Variants in THSD7B observed in about 807,000 individuals in gnomAD.
THSD7B encodes thrombospondin type 1 domain containing 7B, also known as thrombospondin type-1 domain-containing protein 7B.
A neutral mutation model predicts 213.6 loss-of-function variants in THSD7B; 138 were observed. The ratio of observed to expected loss-of-function variants is 0.65; its 90% CI spans 0.56 to 0.74. The LOEUF is 0.74. THSD7B is among the 30% of genes least tolerant of loss of function. The pLI, the probability that THSD7B is intolerant of heterozygous loss-of-function variation, is 0.00. For synonymous variants in THSD7B, 742 were observed against 687.0 expected, an observed-to-expected ratio of 1.08 and a Z score of -1.25; for missense variants, 1,931 against 1,991.5, an observed-to-expected ratio of 0.97 and a Z score of 0.58.
intron 12 of THSD7B, among the ~76,000 whole-genome samples, chr2:137,283,996 C>A (rs924403732): frequency 2.0e-4 from 31 of 152,052 alleles, no homozygotes; most frequent in Admixed American, 1.7e-3. Context: ...CCTTGTACCT[C>A]TGGTAGAATT....
At chr2:136,869,878 C>T (rs895163106) in intron 1 of THSD7B, among the ~76,000 whole-genome samples, 2 of 152,158 alleles carry the variant, frequency 1.3e-5, no homozygotes, top group African/African-American at 4.8e-5. Context: ...TTGAGCCTGG[C>T]ATGGCCAATA....
intron 12 of THSD7B, among the ~76,000 whole-genome samples, chr2:137,349,456 G>T (rs576732369): frequency 6.6e-6 from 1 of 151,742 alleles, no homozygotes; most frequent in East Asian, 1.9e-4. Flanking sequence ...AAAATCCTTA[G>T]CAATTTGTTA....
At chr2:137,308,876 G>A (rs1683821556) in intron 12 of THSD7B, among the ~76,000 whole-genome samples, 1 of 151,836 alleles carries the variant, frequency 6.6e-6, no homozygotes, top group African/African-American at 2.4e-5. Flanking sequence ...TTATTTATTG[G>A]TACAAAGCTA....
At chr2:137,544,624 T>C (rs184127433) in intron 15 of THSD7B, among the ~76,000 whole-genome samples, 1 of 152,016 alleles carries the variant, frequency 6.6e-6, no homozygotes, top group East Asian at 1.9e-4. Context: ...TCCATGACTT[T>C]TGTAATCAGA....
At chr2:137,369,692 A>G (rs1238925949) in intron 12 of THSD7B, among the ~76,000 whole-genome samples, 1 of 152,102 alleles carries the variant, frequency 6.6e-6, no homozygotes, top group Non-Finnish European at 1.5e-5. Context: ...CTCATCTCTC[A>G]TTACAAGCAA....
intron 7 of THSD7B, among the ~76,000 whole-genome samples, chr2:137,195,419 T>C (rs1680741230): frequency 6.6e-6 from 1 of 151,832 alleles, no homozygotes; most frequent in Non-Finnish European, 1.5e-5. Flanking sequence ...CTGGGCCCCT[T>C]AGAAAAATAG....
intron 2 of THSD7B, among the ~76,000 whole-genome samples, chr2:136,934,395 G>T (rs562218959): frequency 6.6e-6 from 1 of 152,156 alleles, no homozygotes; most frequent in South Asian, 2.1e-4. Context: ...ACTTTGTTTA[G>T]GTATAGTAGT....
chr2:137,410,499 T>A (rs1686630612), intron 13 of THSD7B, among the ~76,000 whole-genome samples: 1 of 152,004 alleles, frequency 6.6e-6, no homozygotes, highest in Admixed American at 6.6e-5. Context: ...GAACTCCTGA[T>A]CTCAAGTAAT....
At chr2:137,572,110 C>T (rs1681366230) in intron 16 of THSD7B, among the ~76,000 whole-genome samples, 1 of 152,162 alleles carries the variant, frequency 6.6e-6, no homozygotes, top group Non-Finnish European at 1.5e-5. Context: ...AAATGTATTG[C>T]AGGTCTCTTG....
intron 14 of THSD7B, among the ~76,000 whole-genome samples, chr2:137,432,384 T>C (rs1558795452): frequency 1.3e-5 from 2 of 152,202 alleles, no homozygotes; most frequent in Admixed American, 6.5e-5. Flanking sequence ...AGCGGAACTC[T>C]GTCTCAAAAA....
intron 2 of THSD7B, among the ~76,000 whole-genome samples, chr2:136,937,291 C>T (rs1684751894): frequency 6.6e-6 from 1 of 151,822 alleles, no homozygotes; most frequent in Non-Finnish European, 1.5e-5. Flanking sequence ...TTTGCCACAT[C>T]ACCTCCTTCC....
intron 17 of THSD7B, among the ~76,000 whole-genome samples, chr2:137,604,130 C>A (rs900513881): frequency 1.3e-5 from 2 of 151,738 alleles, no homozygotes; most frequent in South Asian, 2.1e-4. Context: ...AATAAAAAAA[C>A]AACTCAATCA....
intron 2 of THSD7B, among the ~76,000 whole-genome samples, chr2:136,977,801 G>GTTTTTT (rs56053958): frequency 9.4e-6 from 1 of 106,012 alleles, no homozygotes; most frequent in South Asian, 3.3e-4. Context: ...TCTTTTCTTT[G>GTTTTTT]TTTTTTTTTT....
chr2:136,939,464 T>C (rs538325097), intron 2 of THSD7B, among the ~76,000 whole-genome samples: 2 of 151,098 alleles, frequency 1.3e-5, no homozygotes, highest in African/African-American at 4.9e-5. Context: ...TTACCTAACA[T>C]ACTGGCATGT....
chr2:136,767,346 A>G (rs1344779203), intron 1 of THSD7B, among the ~76,000 whole-genome samples: 2 of 152,128 alleles, frequency 1.3e-5, no homozygotes, highest in Non-Finnish European at 2.9e-5. Context: ...AGTGCCATTA[A>G]TAATAGGAGT....
chr2:137,253,831 T>C (rs890593112), intron 10 of THSD7B, among the ~76,000 whole-genome samples: 1 of 152,188 alleles, frequency 6.6e-6, no homozygotes, highest in African/African-American at 2.4e-5. Context: ...TTCAATGTGA[T>C]TTCTAAATTA....
chr2:137,301,109 G>A (rs947007856), intron 12 of THSD7B, among the ~76,000 whole-genome samples: 3 of 151,972 alleles, frequency 2.0e-5, no homozygotes, highest in Non-Finnish European at 4.4e-5. Flanking sequence ...CCTCCCACTG[G>A]CTCTTTAAAA....
intron 15 of THSD7B, among the ~76,000 whole-genome samples, chr2:137,535,659 A>G (rs79553067): frequency 0.17 from 25,296 of 151,688 alleles, 2,254 homozygotes; most frequent in South Asian, 0.28. Context: ...CATGACAGTC[A>G]AAAACTCTGC....
chr2:137,674,122 T>C (rs1683642959), intron 27 of THSD7B, among the ~76,000 whole-genome samples: 1 of 152,190 alleles, frequency 6.6e-6, no homozygotes, highest in African/African-American at 2.4e-5. Flanking sequence ...TGTCTCTTTA[T>C]AGAGATATGA....
Sources: gnomAD v4.1 joint callset for allele counts (sites outside exome capture counted in the v4.1 genomes callset) on GRCh38, gnomAD v4.1.1 for gene constraint, MANE v1.5 for transcripts, NCBI Gene and HGNC (gene_info 2026-07-23, HGNC 2026-07-21) for gene names.